The following CHRNA7 variants were observed in gnomAD, a reference collection of about 807,000 sequenced individuals.
CHRNA7 encodes the protein neuronal acetylcholine receptor subunit alpha-7.
In CHRNA7, 17 loss-of-function variants were observed where a neutral mutation model predicts 48.0. The ratio of observed to expected loss-of-function variants is 0.35; its 90% CI spans 0.24 to 0.53. CHRNA7 has a LOEUF of 0.53. Among genes scored for constraint, CHRNA7 ranks in the 20% least tolerant of loss-of-function variants. The probability of loss-of-function intolerance (pLI) is 0.92; values close to 1 mark genes in which losing one functional copy is unlikely to be tolerated. For missense variants in CHRNA7, 155 were observed against 577.7 expected, an observed-to-expected ratio of 0.27 and a Z score of 7.50; for synonymous variants, 75 against 242.3, an observed-to-expected ratio of 0.31 and a Z score of 6.41.
chr15:32,136,462 A>C (rs1340524096), intron 4 of CHRNA7, among the ~76,000 whole-genome samples: 1 of 150,540 alleles, frequency 6.6e-6, no homozygotes, highest in Admixed American at 6.6e-5. Flanking sequence ...CTGCACTCCA[A>C]CCTGGAACCT....
chr15:32,051,879 G>A (rs541432863), intron 2 of CHRNA7, among the ~76,000 whole-genome samples: 90 of 152,214 alleles, frequency 5.9e-4, no homozygotes, highest in Middle Eastern at 6.8e-3. Context: ...GTTTCAAGAC[G>A]TTCCCCAGGC....
At chr15:32,121,941 A>G (rs993647694) in intron 4 of CHRNA7, among the ~76,000 whole-genome samples, 4 of 152,248 alleles carry the variant, frequency 2.6e-5, no homozygotes, top group African/African-American at 7.2e-5. Flanking sequence ...CACCAGTCCA[A>G]CTGGACTTCT....
At position 32,030,545 on chromosome 15, in the gene CHRNA7, G is replaced by A. The variant is rs770780595; in HGVS notation, c.-50G>A. On this transcript the variant is annotated 5_prime_UTR_variant, in exon 1 of 10. Coordinates refer to ENST00000306901, the MANE Select transcript of CHRNA7 (RefSeq NM_000746.6). ...TGTGGCCGCAGGCGCAGGCCCGGGC[G>A]ACAGCCGAGACGTGGAGCGCGCCGG... 5.6e-6 allele frequency: 8 copies of A among 1,417,264 alleles called. No homozygotes were observed. Among genetic ancestry groups the A allele is most frequent in the Middle Eastern group, 2.5e-4 (1 of 3,992 alleles). The allele number at this position is 1,417,264 out of a possible 1,614,324, so 87.8% of individuals were successfully genotyped here. A position where few individuals can be genotyped will look rare whatever the true frequency, so the allele number is the denominator to read the frequency against.
At chr15:32,030,742 G>C in intron 1 of CHRNA7, 93 bp downstream of exon 1, 1 of 1,520,852 alleles carries the variant, frequency 6.6e-7, no homozygotes, top group Middle Eastern at 2.1e-4. Flanking sequence ...GCCAGGTTTG[G>C]GATCTCCCCG....
chr15:32,050,282 C>T (rs1487366710), intron 2 of CHRNA7, among the ~76,000 whole-genome samples: 1 of 152,190 alleles, frequency 6.6e-6, no homozygotes, highest in Non-Finnish European at 1.5e-5. Flanking sequence ...TTCAGGTACA[C>T]CAATCAGATG....
chr15:32,098,195 C>G (rs576536282), intron 2 of CHRNA7, among the ~76,000 whole-genome samples: 2 of 142,060 alleles, frequency 1.4e-5, no homozygotes, highest in South Asian at 4.9e-4. Context: ...AGTCCTCCCC[C>G]AGGTCCTCTG....
chr15:32,038,465 A>C (rs566602875), intron 2 of CHRNA7, among the ~76,000 whole-genome samples: 122 of 152,258 alleles, frequency 8.0e-4, no homozygotes, highest in Non-Finnish European at 1.5e-3. Context: ...CCAGCCTTGA[A>C]TATCTGGAAT....
intron 2 of CHRNA7, among the ~76,000 whole-genome samples, chr15:32,089,568 A>AATTT (rs2050350442): frequency 7.0e-4 from 1 of 1,424 alleles, no homozygotes; most frequent in African/African-American, 2.9e-3. Flanking sequence ...TCTTTCTGAG[A>AATTT]GTTTCTGCTG....
intron 2 of CHRNA7, among the ~76,000 whole-genome samples, chr15:32,055,823 C>CA (rs1487796829): frequency 6.6e-6 from 1 of 152,110 alleles, no homozygotes; most frequent in Non-Finnish European, 1.5e-5. Context: ...ACTAAAAATA[C>CA]AAAAAATTAG....
rs1236208410 is a variant in CHRNA7, at chr15:32,170,508, T to C, written c.*2050T>C. 1 of 151,362 alleles carries C rather than the reference T, an allele frequency of 6.6e-6. No individual in the cohort carries two copies. The highest frequency in any genetic ancestry group is 1.5e-5 in the Non-Finnish European group (1 of 67,986). The allele number at this position is 151,362 out of a possible 1,614,324, so 9.4% of individuals were successfully genotyped here. On this transcript the variant is annotated 3_prime_UTR_variant, in exon 10 of 10. Transcript: ENST00000306901. ...TATAAAAGGAATGCTTCATTTCTTA[T>C]CATTATCCCAAAATTGATCCCTCCC...
intron 2 of CHRNA7, among the ~76,000 whole-genome samples, chr15:32,047,880 AG>A (rs1206122563): frequency 2.6e-5 from 4 of 152,124 alleles, no homozygotes; most frequent in African/African-American, 4.8e-5. Context: ...TTTAGCATGA[AG>A]GGTTGTTGAA....
chr15:32,066,698 G>C (rs1274383367), intron 2 of CHRNA7, among the ~76,000 whole-genome samples: 1 of 152,190 alleles, frequency 6.6e-6, no homozygotes, highest in Non-Finnish European at 1.5e-5. Context: ...AATAGGAATT[G>C]TCCTAAGAAA....
chr15:32,072,383 A>G (rs1307078762), intron 2 of CHRNA7, among the ~76,000 whole-genome samples: 1 of 152,248 alleles, frequency 6.6e-6, no homozygotes, highest in Non-Finnish European at 1.5e-5. Flanking sequence ...TGTAAAAGTT[A>G]GAAAATTTGC....
At chr15:32,093,196 C>T (rs2050410778) in intron 2 of CHRNA7, among the ~76,000 whole-genome samples, 1 of 152,210 alleles carries the variant, frequency 6.6e-6, no homozygotes, top group Admixed American at 6.5e-5. Context: ...TTCTCCTCTA[C>T]TCCACAATCT....
At chr15:32,097,293 C>T (rs567515016) in intron 2 of CHRNA7, among the ~76,000 whole-genome samples, 3 of 152,278 alleles carry the variant, frequency 2.0e-5, no homozygotes, top group Non-Finnish European at 2.9e-5. Context: ...CTGAAACCCA[C>T]TTTCACAGTG....
At chr15:32,052,683 C>T (rs528316544) in intron 2 of CHRNA7, among the ~76,000 whole-genome samples, 9 of 152,012 alleles carry the variant, frequency 5.9e-5, no homozygotes, top group Admixed American at 2.0e-4. Flanking sequence ...GAGCCGAGAT[C>T]GCGCCACTGC....
At chr15:32,091,614 C>T (rs1470466392) in intron 2 of CHRNA7, among the ~76,000 whole-genome samples, 1 of 152,182 alleles carries the variant, frequency 6.6e-6, no homozygotes, top group East Asian at 1.9e-4. Flanking sequence ...GGCCAATGGT[C>T]TCTTCAAATT....
rs372621274 is a variant in CHRNA7, at chr15:32,047,840, A to G, written c.195+16803A>G. 2.4e-4 allele frequency among the ~76,000 whole-genome samples: 37 copies of G among 152,278 alleles called. No homozygotes were observed. In the South Asian group the frequency reaches 2.5e-3, roughly 10 times the overall value. Reference sequence around the variant, plus strand: ...GATAGCTCTTATTATTTTGAGATACATCCCATCAATACCTAATTTATTGAG... The same window carrying G: ...GATAGCTCTTATTATTTTGAGATACGTCCCATCAATACCTAATTTATTGAG... On this transcript the variant is annotated intron_variant, in intron 2 of 9. Transcript: ENST00000306901.
At chr15:32,150,415 C>G (rs2051600975) in intron 4 of CHRNA7, among the ~76,000 whole-genome samples, 1 of 152,140 alleles carries the variant, frequency 6.6e-6, no homozygotes, top group Non-Finnish European at 1.5e-5. Context: ...GGAACGCATC[C>G]CACGTCTGGT....
Sources: gnomAD v4.1 joint callset for allele counts (sites outside exome capture counted in the v4.1 genomes callset) on GRCh38, gnomAD v4.1.1 for gene constraint, MANE v1.5 for transcripts, NCBI Gene and HGNC (gene_info 2026-07-23, HGNC 2026-07-21) for gene names.